Variants in TRAK1 observed in about 807,000 individuals in gnomAD.
TRAK1 encodes trafficking kinesin protein 1.
In TRAK1, 33 loss-of-function variants were observed where a neutral mutation model predicts 92.1. The observed-to-expected ratio is 0.36, with a 90% confidence interval of 0.27 to 0.48. The LOEUF is 0.48. Among genes scored for constraint, TRAK1 ranks in the 20% least tolerant of loss-of-function variants. The pLI, the probability that TRAK1 is intolerant of heterozygous loss-of-function variation, is 0.99. For synonymous variants in TRAK1, 521 were observed against 517.3 expected, an observed-to-expected ratio of 1.01 and a Z score of -0.10; for missense variants, 1,123 against 1,257.9, an observed-to-expected ratio of 0.89 and a Z score of 1.62.
chr3:42,020,863 T>C (rs1413040193), intron 1 of TRAK1, among the ~76,000 whole-genome samples: 1 of 152,192 alleles, frequency 6.6e-6, no homozygotes, highest in Non-Finnish European at 1.5e-5. Flanking sequence ...TTTGGTAATC[T>C]GATATCTTAA....
At chr3:42,217,537 C>T (rs1709857490) in intron 14 of TRAK1, 1 of 985,324 alleles carries the variant, frequency 1.0e-6, no homozygotes, top group African/African-American at 1.7e-5. Flanking sequence ...AATTGAAGAT[C>T]CAATATGTAA....
At chr3:42,053,746 A>G (rs1362877041) in intron 1 of TRAK1, among the ~76,000 whole-genome samples, 1 of 151,852 alleles carries the variant, frequency 6.6e-6, no homozygotes, top group African/African-American at 2.4e-5. Flanking sequence ...CAAGTCCATC[A>G]TACCGCCTTT....
At chr3:42,080,974 A>T (rs1474214579) in intron 1 of TRAK1, among the ~76,000 whole-genome samples, 3 of 152,136 alleles carry the variant, frequency 2.0e-5, no homozygotes, top group African/African-American at 7.2e-5. Context: ...TCCTGGGTTC[A>T]GGTGGTCCTC....
At chr3:42,191,895 ATTTTTTTTTT>A (rs68023368) in intron 7 of TRAK1, among the ~76,000 whole-genome samples, 1 of 72,764 alleles carries the variant, frequency 1.4e-5, no homozygotes, top group African/African-American at 5.8e-5. Context: ...GAATATTGGA[ATTTTTTTTTT>A]TTTTTTTTTT....
intron 2 of TRAK1, 145 bp downstream of exon 2, chr3:42,125,759 G>A: frequency 7.0e-6 from 6 of 856,196 alleles, no homozygotes; most frequent in Non-Finnish European, 1.0e-5. Context: ...GGCTGTAGGG[G>A]TTAACCGCAC....
At chr3:42,049,524 T>C (rs1488970142) in intron 1 of TRAK1, among the ~76,000 whole-genome samples, 1 of 152,062 alleles carries the variant, frequency 6.6e-6, no homozygotes, top group Non-Finnish European at 1.5e-5. Context: ...ATATTCTTTA[T>C]TTCTAGGAAG....
intron 2 of TRAK1, among the ~76,000 whole-genome samples, chr3:42,136,763 A>G (rs1490169124): frequency 1.3e-5 from 2 of 151,944 alleles, no homozygotes; most frequent in East Asian, 3.9e-4. Flanking sequence ...GCTCACTGCA[A>G]TCTCCACCTC....
chr3:42,095,714 C>T (rs1370909114), intron 1 of TRAK1, among the ~76,000 whole-genome samples: 1 of 151,728 alleles, frequency 6.6e-6, no homozygotes, highest in Non-Finnish European at 1.5e-5. Context: ...TTGGCTTTAT[C>T]ATCGTCATCA....
At chr3:42,045,720 C>T (rs1702726578) in intron 1 of TRAK1, among the ~76,000 whole-genome samples, 1 of 152,096 alleles carries the variant, frequency 6.6e-6, no homozygotes, top group Non-Finnish European at 1.5e-5. Context: ...TGAATTTACA[C>T]CTGTGGTTGG....
intron 14 of TRAK1, among the ~76,000 whole-genome samples, chr3:42,215,863 C>T (rs1709624275): frequency 6.6e-6 from 1 of 152,184 alleles, no homozygotes; most frequent in African/African-American, 2.4e-5. Flanking sequence ...GTATATTGCA[C>T]CCTCAATTTC....
chr3:42,209,970 C>T lies in TRAK1; in HGVS notation c.1948C>T (p.His650Tyr), dbSNP rs938314285. 2.5e-6 allele frequency: 4 copies of T among 1,614,098 alleles called. No individual in the cohort carries two copies. Among genetic ancestry groups the T allele is most frequent in the Non-Finnish European group, 3.4e-6 (4 of 1,180,056 alleles). ...PRLATSTPVQ[H>Y]PETSAHHPGK... Reference sequence around the variant, plus strand: ...CCTAGCTACCTCCACTCCAGTTCAGCACCCAGAGACCTCAGGTGAGAGGTC... The same window carrying T: ...CCTAGCTACCTCCACTCCAGTTCAGTACCCAGAGACCTCAGGTGAGAGGTC... Residue 650 changes from histidine to tyrosine, a missense_variant, in exon 14 of 16, where the codon CAC becomes TAC. By Grantham distance (83) the His-to-Tyr change is moderately conservative. This residue lies in a region of TRAK1 where 401 missense variants were observed against 438.9 expected (regional missense o/e 0.91). Transcript: ENST00000327628.
At chr3:42,192,106 T>C (rs1705847793) in intron 7 of TRAK1, among the ~76,000 whole-genome samples, 1 of 152,100 alleles carries the variant, frequency 6.6e-6, no homozygotes, top group African/African-American at 2.4e-5. Context: ...TTCACCATGT[T>C]GGCCAGGCTG....
At chr3:42,194,330 G>A (rs1374989503) in intron 9 of TRAK1, among the ~76,000 whole-genome samples, 5 of 151,900 alleles carry the variant, frequency 3.3e-5, no homozygotes, top group African/African-American at 9.7e-5. Flanking sequence ...CCGCAGCCTC[G>A]ACCTCTCCAG....
intron 1 of TRAK1, among the ~76,000 whole-genome samples, chr3:42,075,340 C>CAAAAA (rs60881113): frequency 2.8e-5 from 2 of 71,080 alleles, no homozygotes; most frequent in African/African-American, 5.8e-5. Context: ...GACTCAGTCT[C>CAAAAA]AAAAAAAAAA....
intron 1 of TRAK1, among the ~76,000 whole-genome samples, chr3:42,095,822 G>A (rs1382972150): frequency 1.3e-5 from 2 of 152,226 alleles, no homozygotes; most frequent in East Asian, 3.8e-4. Context: ...CTAATCAGCA[G>A]TGCAATGGTA....
intron 1 of TRAK1, among the ~76,000 whole-genome samples, chr3:42,063,686 C>CAA (rs57831151): frequency 4.4e-4 from 47 of 107,226 alleles, no homozygotes; most frequent in Non-Finnish European, 6.4e-4. Context: ...ACTCTGTCTC[C>CAA]AAAAAAAAAA....
At chr3:42,155,516 G>A (rs1700439146) in intron 2 of TRAK1, among the ~76,000 whole-genome samples, 1 of 152,158 alleles carries the variant, frequency 6.6e-6, no homozygotes. Context: ...AGCATTATGT[G>A]GGCAGAAGTT....
chr3:42,052,398 T>A (rs1703018550), intron 1 of TRAK1, among the ~76,000 whole-genome samples: 1 of 152,202 alleles, frequency 6.6e-6, no homozygotes, highest in Non-Finnish European at 1.5e-5. Flanking sequence ...GTTTAGATGA[T>A]CTTGTAGACT....
rs757895013 is a variant in TRAK1 at position 42,202,745 on chromosome 3, G to A, written c.1737G>A (p.Pro579=). 31 of 1,613,602 alleles carry A rather than the reference G, an allele frequency of 1.9e-5. No homozygotes were observed. Among genetic ancestry groups the A allele is most frequent in the South Asian group, 1.2e-4 (11 of 91,080 alleles). The change falls in exon 13 of 16, where the codon CCG becomes CCA. Residue 579 remains proline, a synonymous_variant. Transcript: ENST00000327628. The surrounding 1 kb of genome is among the most constrained non-coding windows in gnomAD (Gnocchi z 6.1). Reference sequence around the variant, plus strand: ...CTGAGAAGCTCCAGATCGTGAAGCCGCTGGAAGGTGATCACGCGGGGCCTC... The same window carrying A: ...CTGAGAAGCTCCAGATCGTGAAGCCACTGGAAGGTGATCACGCGGGGCCTC... ...YLPEKLQIVK[P]LEGSATLHHW...
Sources: gnomAD v4.1 joint callset for allele counts (sites outside exome capture counted in the v4.1 genomes callset) on GRCh38, gnomAD v4.1.1 for gene constraint, gnomAD v4.1.1 regional missense constraint, Gnocchi (gnomAD v3.1) non-coding constraint, MANE v1.5 for transcripts, NCBI Gene and HGNC (gene_info 2026-07-23, HGNC 2026-07-21) for gene names.